The following SEC23B variants were observed in gnomAD, a reference collection of about 807,000 sequenced individuals.
The protein encoded by SEC23B is SEC23 homolog B, COPII component, also known as protein transport protein Sec23B.
Under a neutral mutation model 104.3 loss-of-function variants are expected in SEC23B, and 77 were observed. The observed-to-expected ratio is 0.74, with a 90% CI of 0.61 to 0.89. The LOEUF (loss-of-function observed/expected upper bound fraction) is 0.89, where lower values mean the gene tolerates loss of function less well. Ranked by LOEUF, SEC23B falls within the 40% of genes least tolerant of loss-of-function variation. SEC23B has a pLI of 0.00. For synonymous variants in SEC23B, 338 were observed against 332.5 expected, an observed-to-expected ratio of 1.02 and a Z score of -0.18; for missense variants, 885 against 949.4, an observed-to-expected ratio of 0.93 and a Z score of 0.89.
intron 17 of SEC23B, among the ~76,000 whole-genome samples, chr20:18,552,867 G>A (rs1366793826): frequency 6.6e-6 from 1 of 152,086 alleles, no homozygotes; most frequent in African/African-American, 2.4e-5. Context: ...TTTCTACATT[G>A]TATTAGATAT....
chr20:18,537,141 T>TG (rs1464463697), intron 12 of SEC23B, among the ~76,000 whole-genome samples: 3 of 151,632 alleles, frequency 2.0e-5, no homozygotes, highest in South Asian at 2.1e-4. Flanking sequence ...ACACTGTTGG[T>TG]GGACTGTAAA....
At chr20:18,510,639 G>C (rs760210943) in intron 1 of SEC23B, among the ~76,000 whole-genome samples, 183 bp from the exon 2 acceptor site, 23 of 152,152 alleles carry the variant, frequency 1.5e-4, no homozygotes, top group Non-Finnish European at 3.1e-4. Context: ...GGTGGCACAG[G>C]CTTGTAATCC....
intron 3 of SEC23B, 134 bp from the exon 4 acceptor site, chr20:18,515,516 T>C: frequency 1.5e-6 from 1 of 675,418 alleles, no homozygotes; most frequent in Non-Finnish European, 2.7e-6. Flanking sequence ...TCTCACAGTG[T>C]TGCCCAAGCT....
intron 6 of SEC23B, among the ~76,000 whole-genome samples, chr20:18,525,565 C>T (rs565979490): frequency 1.6e-4 from 25 of 151,916 alleles, no homozygotes; most frequent in Admixed American, 4.6e-4. Context: ...ATTTTTTTTT[C>T]CGTGCAACAT....
intron 13 of SEC23B, 29 bp downstream of exon 13, chr20:18,542,431 A>T: frequency 6.4e-7 from 1 of 1,565,790 alleles, no homozygotes; most frequent in Non-Finnish European, 8.8e-7. Context: ...CTTTCTGTTG[A>T]GGAACTGACT....
chr20:18,555,012 C>G, intron 18 of SEC23B, 96 bp from the exon 19 acceptor site: 1 of 1,070,056 alleles, frequency 9.3e-7, no homozygotes, highest in Non-Finnish European at 1.4e-6. Flanking sequence ...CTAATTTAAC[C>G]AAACAAATGT....
intron 12 of SEC23B, among the ~76,000 whole-genome samples, chr20:18,541,052 T>A (rs1005961232): frequency 1.6e-4 from 24 of 152,258 alleles, no homozygotes; most frequent in African/African-American, 5.8e-4. Context: ...TCTGAATAAC[T>A]TGCAGCAGTT....
intron 17 of SEC23B, among the ~76,000 whole-genome samples, chr20:18,551,926 T>G (rs965990575): frequency 6.6e-6 from 1 of 152,128 alleles, no homozygotes; most frequent in African/African-American, 2.4e-5. Context: ...TTTGATGAAA[T>G]AACATGGCCC....
intron 16 of SEC23B, among the ~76,000 whole-genome samples, chr20:18,550,019 A>G (rs1483276724): frequency 1.5e-5 from 2 of 134,628 alleles, no homozygotes; most frequent in Non-Finnish European, 3.2e-5. Flanking sequence ...TAAAAATTAT[A>G]TGTGTATATG....
At chr20:18,529,261 C>T (rs2060161592) in intron 9 of SEC23B, among the ~76,000 whole-genome samples, 1 of 152,302 alleles carries the variant, frequency 6.6e-6, no homozygotes, top group Middle Eastern at 3.4e-3. Flanking sequence ...AGAACCAAAC[C>T]AGTGGGTGGA....
chr20:18,544,287 C>T (rs1159980865), intron 14 of SEC23B, among the ~76,000 whole-genome samples: 2 of 138,092 alleles, frequency 1.4e-5, no homozygotes, highest in Non-Finnish European at 3.4e-5. Context: ...CCCTTGCCAT[C>T]TCATGGAACC....
At chr20:18,559,214 G>T (rs1346382186) in intron 19 of SEC23B, among the ~76,000 whole-genome samples, 2 of 152,072 alleles carry the variant, frequency 1.3e-5, no homozygotes, top group African/African-American at 2.4e-5. Flanking sequence ...GAGAGTTCCA[G>T]CTCCCCCATA....
At chr20:18,515,605 A>G in intron 3 of SEC23B, 45 bp from the exon 4 acceptor site, 2 of 1,095,210 alleles carry the variant, frequency 1.8e-6, no homozygotes, top group Non-Finnish European at 2.8e-6. Flanking sequence ...TAAAAAGTGT[A>G]ATATAGTTAT....
chr20:18,522,497 C>T (rs2060092702), intron 4 of SEC23B, among the ~76,000 whole-genome samples: 1 of 152,202 alleles, frequency 6.6e-6, no homozygotes, highest in East Asian at 1.9e-4. Context: ...GAAAAGACCA[C>T]TTACCCGATT....
intron 4 of SEC23B, among the ~76,000 whole-genome samples, chr20:18,520,990 A>G (rs1412827644): frequency 6.6e-6 from 1 of 152,142 alleles, no homozygotes; most frequent in African/African-American, 2.4e-5. Flanking sequence ...CAGATGGGAC[A>G]CGGCTTAGGA....
chr20:18,534,156 A>G (rs978589261), intron 11 of SEC23B, among the ~76,000 whole-genome samples: 1 of 151,872 alleles, frequency 6.6e-6, no homozygotes, highest in African/African-American at 2.4e-5. Context: ...TGATTTATCA[A>G]CTTTTTTTTT....
chr20:18,543,165 TC>T lies in SEC23B; in HGVS notation c.1660del (p.Arg554AspfsTer33), dbSNP rs781770571. 5.0e-6 allele frequency: 8 copies of T among 1,614,158 alleles called. No individual in the cohort carries two copies. In the South Asian group the frequency reaches 8.8e-5, roughly 18 times the overall value. On this transcript the variant is annotated frameshift_variant, in exon 14 of 20. Coordinates refer to ENST00000650089, the MANE Select transcript of SEC23B (RefSeq NM_006363.6). LOFTEE classifies it high-confidence loss of function. ...CTCCGGTGGCTGGACCGACAACTCATCCGACTGGTAAATTGGGGACAGTGGC... is the reference window on the plus strand; with the variant it reads ...CTCCGGTGGCTGGACCGACAACTCATCGACTGGTAAATTGGGGACAGTGGC... Reference protein sequence around the residue: ...DVLRWLDRQLIRLCQKFGQYN... With the variant: ...DVLRWLDRQLXRLCQKFGQYN...
chr20:18,542,969 T>A (rs1479092703), intron 13 of SEC23B, 50 bp from the exon 14 acceptor site: 1 of 1,611,800 alleles, frequency 6.2e-7, no homozygotes, highest in East Asian at 2.2e-5. Context: ...GATGTCTGGC[T>A]TTCTGATCTC....
intron 12 of SEC23B, among the ~76,000 whole-genome samples, chr20:18,538,488 C>T (rs980397985): frequency 7.9e-5 from 12 of 151,946 alleles, no homozygotes; most frequent in African/African-American, 1.9e-4. Context: ...CTCCTGACCT[C>T]GTGATCCGCA....
Sources: gnomAD v4.1 joint callset for allele counts (sites outside exome capture counted in the v4.1 genomes callset) on GRCh38, gnomAD v4.1.1 for gene constraint, MANE v1.5 for transcripts, NCBI Gene and HGNC (gene_info 2026-07-23, HGNC 2026-07-21) for gene names.